DNAH5: variants seen among roughly 807,000 people sequenced by gnomAD.
DNAH5 encodes the protein axonemal beta dynein heavy chain 5.
In DNAH5, 372 loss-of-function variants were observed where a neutral mutation model predicts 518.2. That is an observed-to-expected ratio of 0.72 (90% CI 0.66 to 0.78). The LOEUF is 0.78. Among genes scored for constraint, DNAH5 ranks in the 30% least tolerant of loss-of-function variants. The pLI, the probability that DNAH5 is intolerant of heterozygous loss-of-function variation, is 0.00. For missense variants in DNAH5, 5,523 were observed against 5,687.0 expected (o/e 0.97, Z 0.93); for synonymous variants, 2,039 against 2,025.9 (o/e 1.01, Z -0.17).
At chr5:13,705,196 G>A (rs1310210408) in intron 76 of DNAH5, among the ~76,000 whole-genome samples, 11 of 151,980 alleles carry the variant, frequency 7.2e-5, no homozygotes, top group East Asian at 1.9e-4. Flanking sequence ...GGGTTTCACC[G>A]TGCTAGCCAG....
chr5:13,954,051 G>A (rs1351190194), intron 1 of DNAH5, among the ~76,000 whole-genome samples: 2 of 152,128 alleles, frequency 1.3e-5, no homozygotes, highest in African/African-American at 4.8e-5. Context: ...AGACCCTAAA[G>A]GTCAAACCTG....
intron 1 of DNAH5, among the ~76,000 whole-genome samples, chr5:13,966,494 G>A (rs1378937219): frequency 1.3e-5 from 2 of 152,176 alleles, no homozygotes; most frequent in Non-Finnish European, 2.9e-5. Flanking sequence ...GTGTAAAAGT[G>A]TTCCCCTTTC....
At chr5:13,801,320 C>T (rs1561295489) in intron 47 of DNAH5, among the ~76,000 whole-genome samples, 3 of 152,234 alleles carry the variant, frequency 2.0e-5, no homozygotes, top group Admixed American at 6.5e-5. Flanking sequence ...GAAGTGTCTA[C>T]TTCCCCTTCC....
chr5:13,865,512 T>C (rs897881817), intron 27 of DNAH5, among the ~76,000 whole-genome samples, 156 bp downstream of exon 27: 2 of 152,198 alleles, frequency 1.3e-5, no homozygotes, highest in Admixed American at 1.3e-4. Flanking sequence ...GAGTAATTAA[T>C]AAATAGCATT....
chr5:13,995,155 C>T (rs912920203), intron 1 of DNAH5, among the ~76,000 whole-genome samples: 6 of 152,104 alleles, frequency 3.9e-5, no homozygotes, highest in African/African-American at 1.4e-4. Flanking sequence ...TTCAGCAGTG[C>T]TTGGCAAGCT....
rs1490108272 is a variant in DNAH5, at chr5:13,793,672, C to T, written c.8067G>A (p.Glu2689=). ...LMEQNGFYNL[E]KPGEFTSIVD... ...CGATGCTGGTGAACTCCCCAGGCTT[C>T]TCTAGATTATAGAATCCATTTTGTT... Residue 2689 remains glutamate (E), a synonymous_variant, in exon 49 of 79, where the codon GAG becomes GAA. Transcript: ENST00000265104. The T allele has an allele frequency of 6.2e-7, 1 of 1,614,192 alleles. No homozygotes were observed. Among genetic ancestry groups the T allele is most frequent in the Non-Finnish European group, 8.5e-7 (1 of 1,180,044 alleles).
chr5:13,786,021 G>A (rs1015831125), intron 52 of DNAH5, among the ~76,000 whole-genome samples, 158 bp downstream of exon 52: 1 of 152,176 alleles, frequency 6.6e-6, no homozygotes, highest in Non-Finnish European at 1.5e-5. Flanking sequence ...GGTGCGACAT[G>A]TTGCATTCAG....
intron 67 of DNAH5, 60 bp downstream of exon 67, chr5:13,735,758 A>C: frequency 2.3e-5 from 28 of 1,201,410 alleles, no homozygotes; most frequent in Non-Finnish European, 3.4e-5. Flanking sequence ...TATAAATGTA[A>C]TGTCATCATT....
rs377540168 is a variant in DNAH5, at chr5:13,821,590, C to G, written c.6688-1091G>C. Among the ~76,000 whole-genome samples the G allele has an allele frequency of 8.5e-4, 129 of 152,192 alleles. 1 individual carries two copies. Among genetic ancestry groups the G allele is most frequent in the African/African-American group, 3.0e-3 (125 of 41,518 alleles). On this transcript the variant is annotated intron_variant, in intron 40 of 78. Transcript: ENST00000265104. ...AAACTATGGAATGCAGATTTAAGACCAAGAAGTTCAAATCCATGGTCTATG... is the reference window on the plus strand; with the variant it reads ...AAACTATGGAATGCAGATTTAAGACGAAGAAGTTCAAATCCATGGTCTATG...
At chr5:13,916,682 A>G (rs2151985890) in intron 8 of DNAH5, among the ~76,000 whole-genome samples, 1 of 152,252 alleles carries the variant, frequency 6.6e-6, no homozygotes, top group Non-Finnish European at 1.5e-5. Context: ...CCCACTGTTA[A>G]TGACAAGCAA....
At chr5:13,754,695 C>T (rs548758116) in intron 61 of DNAH5, among the ~76,000 whole-genome samples, 1 of 152,132 alleles carries the variant, frequency 6.6e-6, no homozygotes, top group South Asian at 2.1e-4. Context: ...TACGCCACCA[C>T]ACCCCGCTAA....
rs566611826 is a variant in DNAH5 at position 13,796,537 on chromosome 5, C to A, written c.7888-2479G>T. 3.2e-3 allele frequency among the ~76,000 whole-genome samples: 486 copies of A among 151,962 alleles called. 3 individuals carry two copies. The highest frequency in any genetic ancestry group is 5.8e-3 in the Non-Finnish European group (393 of 67,926). ...CAAGGAGAACTACAAACCACTGCGC[C>A]ACGAAATAAAAGAGGACACGAAAAA... On this transcript the variant is annotated intron_variant, in intron 47 of 78. Transcript: ENST00000265104.
chr5:13,771,815 T>C (rs1446479416), intron 55 of DNAH5, among the ~76,000 whole-genome samples: 1 of 152,164 alleles, frequency 6.6e-6, no homozygotes, highest in East Asian at 1.9e-4. Context: ...TATATAAGTA[T>C]TGTAAAGAGA....
rs190678456 is a variant in DNAH5, at chr5:13,870,573, T to C, written c.3834+194A>G. Among the ~76,000 whole-genome samples the C allele has an allele frequency of 6.0e-3, 921 of 152,246 alleles. 5 individuals are homozygous for C. Among genetic ancestry groups the C allele is most frequent in the South Asian group, 0.016 (79 of 4,818 alleles). On this transcript the variant is annotated intron_variant, in intron 24 of 78. Transcript: ENST00000265104. ...TCTCAGGCTCTGCTTTGAAGGACCT[T>C]AGGCGACATGTGAAGGTGAAAACTG...
In DNAH5 at chr5:13,721,021, G is replaced by C. The variant is rs746003819; in HGVS notation, c.12258C>G (p.Leu4086=). The C allele has an allele frequency of 1.5e-5, 24 of 1,614,014 alleles. No homozygotes were observed. The highest frequency in any genetic ancestry group is 2.2e-5 in the East Asian group (1 of 44,894). ...GQGQEVHARK[L]LQQTMANGGW... ...TTACGTTCGCCATGGTCTGCTGCAA[G>C]AGCTTCCGAGCATGGACTTCCTGGC... Residue 4086 remains leucine, a synonymous_variant, in exon 71 of 79, where the codon CTC becomes CTG. Transcript: ENST00000265104.
At chr5:13,853,864 G>A (rs1767234246) in intron 30 of DNAH5, among the ~76,000 whole-genome samples, 1 of 152,038 alleles carries the variant, frequency 6.6e-6, no homozygotes, top group Admixed American at 6.6e-5. Context: ...CAAGAAATAT[G>A]AGACTATGTG....
chr5:13,938,827 C>A (rs1412592466), intron 1 of DNAH5, among the ~76,000 whole-genome samples: 1 of 152,180 alleles, frequency 6.6e-6, no homozygotes, highest in African/African-American at 2.4e-5. Flanking sequence ...AAACCAAGGA[C>A]ATGGATTTGA....
In DNAH5 at chr5:13,841,016, G is replaced by A; in HGVS notation, c.5599C>T (p.Leu1867Phe). The A allele has an allele frequency of 1.2e-6, 2 of 1,614,112 alleles. No individual in the cohort carries two copies. The highest frequency in any genetic ancestry group is 1.7e-6 in the Non-Finnish European group (2 of 1,180,006). Residue 1867 changes from leucine to phenylalanine, a missense_variant, in exon 34 of 79, where the codon CTC becomes TTC. Leu to Phe is a conservative substitution (Grantham distance 22). This residue lies in a region of DNAH5 where 5,121 missense variants were observed against 5,223.3 expected (regional missense o/e 0.98). Coordinates refer to ENST00000265104, the MANE Select transcript of DNAH5 (RefSeq NM_001369.3). ...QKTNQAFLEL[L>F]NTLIDVTTRD... is the part of the protein sequence containing the mutation. ...GTGGTGACGTCTATCAATGTATTGA[G>A]TAGCTCCAGGAAAGCCTGATTAGTT... is the stretch of plus-strand genomic sequence containing the variant.
chr5:13,842,679 C>A (rs10039447), intron 32 of DNAH5, among the ~76,000 whole-genome samples: 60,828 of 151,794 alleles, frequency 0.4, 12,580 homozygotes, highest in East Asian at 0.61. Context: ...TGTAGACAGA[C>A]GTGATCTACC....
Sources: allele counts gnomAD v4.1 joint callset (sites outside exome capture counted in the v4.1 genomes callset), GRCh38; gene constraint gnomAD v4.1.1; regional missense constraint gnomAD v4.1.1; transcripts MANE v1.5; gene names NCBI Gene and HGNC (gene_info 2026-07-23, HGNC 2026-07-21).